GTF2I: variants seen among roughly 807,000 people sequenced by gnomAD.
GTF2I encodes the protein general transcription factor IIi.
GTF2I carries 12 observed loss-of-function variants against 67.6 expected under a neutral mutation model. The observed-to-expected ratio is 0.18, with a 90% CI of 0.11 to 0.29. The LOEUF is 0.29. GTF2I is among the 10% of genes least tolerant of loss of function. The probability of loss-of-function intolerance (pLI) is 1.00; values close to 1 mark genes in which losing one functional copy is unlikely to be tolerated. For missense variants in GTF2I, 271 were observed against 580.1 expected, an observed-to-expected ratio of 0.47 and a Z score of 5.47; for synonymous variants, 149 against 197.0, an observed-to-expected ratio of 0.76 and a Z score of 2.04.
chr7:74,667,212 A>G (rs1805057290), intron 1 of GTF2I, among the ~76,000 whole-genome samples: 1 of 152,078 alleles, frequency 6.6e-6, no homozygotes. Flanking sequence ...GAGTGGTGAC[A>G]GGTGCCTGTA....
At chr7:74,668,169 A>G (rs1334370641) in intron 1 of GTF2I, among the ~76,000 whole-genome samples, 104 of 132,198 alleles carry the variant, frequency 7.9e-4, no homozygotes, top group African/African-American at 2.7e-3. Context: ...TCAGTGGTGC[A>G]GAACTTTTTT....
Position 74,689,348 on chromosome 7 carries a change from CTTTTTTT to C in GTF2I, c.99+139_99+145del, listed in dbSNP as rs1162860651. The C allele has an allele frequency of 2.2e-3, 324 of 145,236 alleles. 2 individuals carry two copies. The highest frequency in any genetic ancestry group is 0.011 in the African/African-American group (247 of 22,820). The allele number at this position is 145,236 out of a possible 1,614,324, so 9.0% of individuals were successfully genotyped here. On this transcript the variant is annotated intron_variant, in intron 2 of 34. Coordinates refer to ENST00000573035, the MANE Select transcript of GTF2I (RefSeq NM_032999.4). ...AGTTTTAATGAGTACTTTTTCTTTA[CTTTTTTT>C]TTTTTTTTTTTTTTTTTGAGACGGA...
chr7:74,664,452 GAGA>G (rs1309740372), intron 1 of GTF2I, among the ~76,000 whole-genome samples: 2 of 151,976 alleles, frequency 1.3e-5, no homozygotes, highest in African/African-American at 2.4e-5. Context: ...TTGTTTTTTT[GAGA>G]AGGAGTCTCC....
At chr7:74,707,484 G>A (rs1554401732) in intron 8 of GTF2I, among the ~76,000 whole-genome samples, 1 of 152,204 alleles carries the variant, frequency 6.6e-6, no homozygotes, top group African/African-American at 2.4e-5. Context: ...AGTTGTTGGG[G>A]AGGAGGGTAG....
At chr7:74,711,682 A>G (rs1791561412) in intron 9 of GTF2I, among the ~76,000 whole-genome samples, 1 of 152,224 alleles carries the variant, frequency 6.6e-6, no homozygotes, top group Admixed American at 6.5e-5. Context: ...AAATAATAAA[A>G]TGTGGACTAT....
At chr7:74,705,568 T>A (rs1790535418) in intron 7 of GTF2I, among the ~76,000 whole-genome samples, 1 of 130,384 alleles carries the variant, frequency 7.7e-6, no homozygotes, top group Non-Finnish European at 1.6e-5. Flanking sequence ...TTTTTTTTTT[T>A]ATTTTTGAGA....
chr7:74,669,321 T>A (rs1233457997), intron 1 of GTF2I, among the ~76,000 whole-genome samples: 2 of 140,780 alleles, frequency 1.4e-5, no homozygotes, highest in African/African-American at 2.7e-5. Context: ...CTCCACTTCC[T>A]GGGTTCAAGC....
rs587607963 is a variant in GTF2I at position 74,719,745 on chromosome 7, C to T, written c.943+804C>T. On this transcript the variant is annotated intron_variant, in intron 12 of 34. Transcript: ENST00000573035. ...GACCAGCCTGACCAGCATGGTGAAACGCCCATCTCTACTAAAAATACAAAA... is the reference window on the plus strand; with the variant it reads ...GACCAGCCTGACCAGCATGGTGAAATGCCCATCTCTACTAAAAATACAAAA... Among the ~76,000 whole-genome samples the T allele has an allele frequency of 1.2e-3, 187 of 152,136 alleles. 1 individual carries two copies. The highest frequency in any genetic ancestry group is 2.7e-3 in the South Asian group (13 of 4,816).
At chr7:74,714,166 A>T (rs1476133306) in intron 9 of GTF2I, among the ~76,000 whole-genome samples, 1 of 152,168 alleles carries the variant, frequency 6.6e-6, no homozygotes, top group Non-Finnish European at 1.5e-5. Flanking sequence ...TAAAACTATT[A>T]TTATTTTAAT....
chr7:74,702,586 C>T (rs1554400160), intron 6 of GTF2I, among the ~76,000 whole-genome samples: 1 of 152,184 alleles, frequency 6.6e-6, no homozygotes, highest in East Asian at 1.9e-4. Flanking sequence ...TATATTCTCA[C>T]AGCAGGATAG....
At chr7:74,704,119 G>GAT (rs1469538547) in intron 6 of GTF2I, among the ~76,000 whole-genome samples, 1 of 152,062 alleles carries the variant, frequency 6.6e-6, no homozygotes, top group Non-Finnish European at 1.5e-5. Flanking sequence ...ATCACCTTGT[G>GAT]ATATTAGTAG....
intron 1 of GTF2I, among the ~76,000 whole-genome samples, chr7:74,674,390 T>C (rs1415023505): frequency 6.6e-6 from 1 of 152,162 alleles, no homozygotes; most frequent in South Asian, 2.1e-4. Context: ...ACTTAGAAAA[T>C]AGTTGCAAGA....
At chr7:74,689,268 T>C in intron 2 of GTF2I, 41 bp downstream of exon 2, 1 of 1,008,558 alleles carries the variant, frequency 9.9e-7, no homozygotes, top group South Asian at 1.3e-5. Context: ...TGGGTAGGCC[T>C]GCACTGTAGA....
In GTF2I at chr7:74,697,949, TGTTTG is replaced by T. The variant is rs1326535560; in HGVS notation, c.239-1011_239-1007del. Among the ~76,000 whole-genome samples the T allele has an allele frequency of 2.4e-4, 35 of 147,464 alleles. 1 individual carries two copies. Among genetic ancestry groups the T allele is most frequent in the Admixed American group, 8.8e-4 (13 of 14,802 alleles). On this transcript the variant is annotated intron_variant, in intron 3 of 34. Transcript: ENST00000573035. ...ATGCCCAGCTAATTTTTGTATTTTTTGTTTGTTTGTTTGTTTGTTTGTTTGAGACG... is the reference window on the plus strand; with the variant it reads ...ATGCCCAGCTAATTTTTGTATTTTTTTTTGTTTGTTTGTTTGTTTGAGACG...
intron 3 of GTF2I, among the ~76,000 whole-genome samples, chr7:74,695,104 G>C (rs1280714671): frequency 2.6e-5 from 4 of 152,302 alleles, no homozygotes; most frequent in African/African-American, 9.6e-5. Flanking sequence ...GGTGTATAAG[G>C]AGATGCTTGC....
chr7:74,690,882 A>T, intron 2 of GTF2I, 91 bp from the exon 3 acceptor site: 1 of 1,193,152 alleles, frequency 8.4e-7, no homozygotes, highest in Non-Finnish European at 1.2e-6. Context: ...AAGTACCTTT[A>T]AAAAATGTTG....
At chr7:74,688,931 A>G in intron 1 of GTF2I, 193 bp from the exon 2 acceptor site, 2 of 498,386 alleles carry the variant, frequency 4.0e-6, no homozygotes, top group Non-Finnish European at 3.6e-6. Context: ...AACAATATAT[A>G]GAAAATTAGG....
chr7:74,661,650 A>G (rs1804505365), intron 1 of GTF2I, among the ~76,000 whole-genome samples: 1 of 151,444 alleles, frequency 6.6e-6, no homozygotes, highest in Non-Finnish European at 1.5e-5. Context: ...ACTGCACTCC[A>G]GCCTGGGCGA....
intron 1 of GTF2I, among the ~76,000 whole-genome samples, chr7:74,662,969 T>C (rs1438685572): frequency 1.3e-5 from 2 of 152,130 alleles, no homozygotes; most frequent in Admixed American, 1.3e-4. Context: ...CCAACTTCCA[T>C]GGCCACTGTC....
Sources: gnomAD v4.1 joint callset for allele counts (sites outside exome capture counted in the v4.1 genomes callset) on GRCh38, gnomAD v4.1.1 for gene constraint, MANE v1.5 for transcripts, NCBI Gene and HGNC (gene_info 2026-07-23, HGNC 2026-07-21) for gene names.